The following FBXO17 variants were observed in gnomAD, a reference collection of about 807,000 sequenced individuals.
FBXO17 encodes the protein F-box only protein 17.
FBXO17 carries 43 observed loss-of-function variants against 34.1 expected under a neutral mutation model. The ratio of observed to expected loss-of-function variants is 1.26; its 90% CI spans 0.99 to 1.62. The LOEUF (loss-of-function observed/expected upper bound fraction) is 1.62, where lower values mean the gene tolerates loss of function less well. Ranked by LOEUF, FBXO17 falls within the 40% of genes most tolerant of loss-of-function variation. The pLI is 0.00. For synonymous variants in FBXO17, 169 were observed against 166.0 expected (o/e 1.02, Z -0.14); for missense variants, 424 against 386.7 (o/e 1.10, Z -0.81).
chr19:38,956,133 G>A (rs1190765155), intron 1 of FBXO17, among the ~76,000 whole-genome samples: 1 of 151,924 alleles, frequency 6.6e-6, no homozygotes, highest in Non-Finnish European at 1.5e-5. Context: ...GAGCGTGGTG[G>A]TGGGCACCTG....
chr19:38,967,069 A>T (rs1975330736), intron 1 of FBXO17, among the ~76,000 whole-genome samples: 1 of 152,264 alleles, frequency 6.6e-6, no homozygotes, highest in Non-Finnish European at 1.5e-5. Context: ...ATCATAAGTT[A>T]AAACTTTTGT....
At chr19:38,973,717 C>T (rs564295781) in intron 1 of FBXO17, among the ~76,000 whole-genome samples, 2 of 151,988 alleles carry the variant, frequency 1.3e-5, no homozygotes, top group Non-Finnish European at 2.9e-5. Context: ...GTGGCTCACA[C>T]CTGTAATCCC....
chr19:38,956,058 G>A (rs1039718130), intron 1 of FBXO17, among the ~76,000 whole-genome samples: 2 of 151,988 alleles, frequency 1.3e-5, no homozygotes, highest in Non-Finnish European at 2.9e-5. Context: ...CTGAGGTCGG[G>A]AGTTCAAGAC....
Position 38,941,927 on chromosome 19 carries a change from C to T in FBXO17, c.*681G>A, listed in dbSNP as rs1266237665. ...TGCTCCCTGCCCACGATCATTACCC[C>T]CAAAACATGCCGGCAAGTCTCTGCT... On this transcript the variant is annotated 3_prime_UTR_variant, in exon 6 of 6. Transcript: ENST00000292852. 6.6e-6 allele frequency: 1 copy of T among 152,172 alleles called. No homozygotes were observed. Among genetic ancestry groups the T allele is most frequent in the African/African-American group, 2.4e-5 (1 of 41,426 alleles). 9.4% of individuals were successfully genotyped at this position (152,172 alleles called of 1,614,324 possible).
At chr19:38,943,620 C>T (rs116978562) in intron 5 of FBXO17, among the ~76,000 whole-genome samples, 3,655 of 152,014 alleles carry the variant, frequency 0.024, 80 homozygotes, top group Non-Finnish European at 0.036. Context: ...GGCCAAGACT[C>T]GCTCCATCGC....
chr19:38,945,208 C>T, intron 4 of FBXO17, 104 bp from the exon 5 acceptor site: 3 of 1,445,814 alleles, frequency 2.1e-6, no homozygotes, highest in East Asian at 4.6e-5. Context: ...AGGTCCTGCA[C>T]ATCTGGACCA....
chr19:38,957,000 A>C (rs1157749469), intron 1 of FBXO17, among the ~76,000 whole-genome samples: 1 of 152,224 alleles, frequency 6.6e-6, no homozygotes, highest in African/African-American at 2.4e-5. Context: ...GTGAGCCACC[A>C]TGCCCAGCCT....
intron 1 of FBXO17, among the ~76,000 whole-genome samples, 159 bp from the exon 2 acceptor site, chr19:38,950,495 A>G (rs956979311): frequency 1.3e-5 from 2 of 152,116 alleles, no homozygotes; most frequent in African/African-American, 4.8e-5. Context: ...GCCTTTCCCA[A>G]TCTTCCCCAC....
rs1334620643 is a variant in FBXO17, at chr19:38,956,281, AGAT to A, written c.-17-5948_-17-5946del. Reference sequence around the variant, plus strand: ...ACTCTGTCTCAAAAAAAAAAAAAAAAGATGATGTCAGGAATTTTTGCTACATTC... The same window carrying A: ...ACTCTGTCTCAAAAAAAAAAAAAAAAGATGTCAGGAATTTTTGCTACATTC... On this transcript the variant is annotated intron_variant, in intron 1 of 5. Coordinates refer to ENST00000292852, the MANE Select transcript of FBXO17 (RefSeq NM_024907.7). 2.8e-4 allele frequency among the ~76,000 whole-genome samples: 43 copies of A among 151,906 alleles called. 1 individual carries two copies. The highest frequency in any genetic ancestry group is 2.6e-3 in the Admixed American group (39 of 15,232).
chr19:38,961,950 AC>A (rs1975256297), intron 1 of FBXO17, among the ~76,000 whole-genome samples: 1 of 152,158 alleles, frequency 6.6e-6, no homozygotes, highest in African/African-American at 2.4e-5. Context: ...GGCGTGAGCC[AC>A]CGTGCCCGGC....
intron 3 of FBXO17, 57 bp downstream of exon 3, chr19:38,948,510 T>C (rs1975020348): frequency 2.2e-6 from 3 of 1,373,374 alleles, no homozygotes; most frequent in Non-Finnish European, 2.0e-6. Context: ...GGGGGTAGGG[T>C]CCCTTTCTTT....
chr19:38,973,157 G>A (rs1055242579), intron 1 of FBXO17, among the ~76,000 whole-genome samples: 2 of 151,932 alleles, frequency 1.3e-5, no homozygotes, highest in Admixed American at 6.6e-5. Context: ...GGTGGATCAC[G>A]AGGTCAGGAG....
At chr19:38,961,060 G>A (rs1280229068) in intron 1 of FBXO17, among the ~76,000 whole-genome samples, 3 of 152,024 alleles carry the variant, frequency 2.0e-5, no homozygotes, top group African/African-American at 7.2e-5. Context: ...CTCCCGCCTT[G>A]GCCTCCTAAA....
chr19:38,949,159 T>C (rs1483247839), intron 2 of FBXO17, among the ~76,000 whole-genome samples: 4 of 152,168 alleles, frequency 2.6e-5, no homozygotes, highest in Non-Finnish European at 4.4e-5. Flanking sequence ...TGGAGTGCAA[T>C]GGCATGATCT....
chr19:38,963,333 T>C (rs900017604), intron 1 of FBXO17, among the ~76,000 whole-genome samples: 1 of 151,590 alleles, frequency 6.6e-6, no homozygotes, highest in Admixed American at 6.6e-5. Context: ...CTCACTCTGT[T>C]GCCCAGGCTG....
At chr19:38,947,704 TTTC>T (rs1975006457) in intron 3 of FBXO17, among the ~76,000 whole-genome samples, 1 of 152,164 alleles carries the variant, frequency 6.6e-6, no homozygotes, top group Admixed American at 6.6e-5. Flanking sequence ...ATTCTCATTT[TTTC>T]TTTTCTTTTG....
intron 1 of FBXO17, among the ~76,000 whole-genome samples, chr19:38,954,141 G>A (rs551242827): frequency 1.3e-5 from 2 of 152,240 alleles, no homozygotes; most frequent in South Asian, 2.1e-4. Flanking sequence ...CCAGGGGGCT[G>A]TGTTGTTTTT....
intron 5 of FBXO17, 159 bp downstream of exon 5, chr19:38,944,810 G>T: frequency 3.0e-6 from 3 of 1,012,040 alleles, no homozygotes; most frequent in South Asian, 1.6e-5. Context: ...ATATGTAAGC[G>T]TCTTGACACA....
In FBXO17 at chr19:38,962,399, C is replaced by T. The variant is rs190513114; in HGVS notation, c.-17-12063G>A. Among the ~76,000 whole-genome samples the T allele has an allele frequency of 7.3e-3, 1,115 of 152,264 alleles. 8 individuals are homozygous for T. Among genetic ancestry groups the T allele is most frequent in the Non-Finnish European group, 0.01 (701 of 68,020 alleles). On this transcript the variant is annotated intron_variant, in intron 1 of 5. Transcript: ENST00000292852. The stretch of plus-strand genomic sequence containing the variant: ...GAGCATGCTTCTCCAGCCTCTGACT[C>T]CTACATGCGTGCGGTTTCTTTAGTG...
Sources: allele counts gnomAD v4.1 joint callset (sites outside exome capture counted in the v4.1 genomes callset), GRCh38; gene constraint gnomAD v4.1.1; transcripts MANE v1.5; gene names NCBI Gene and HGNC (gene_info 2026-07-23, HGNC 2026-07-21).